The following ENTHD1 variants were observed in gnomAD, a reference collection of about 807,000 sequenced individuals.
The protein encoded by ENTHD1 is ENTH domain containing 1, also known as ENTH domain-containing protein 1.
In ENTHD1, 23 loss-of-function variants were observed where a neutral mutation model predicts 39.1. The observed-to-expected ratio is 0.59, with a 90% CI of 0.42 to 0.83. The LOEUF (loss-of-function observed/expected upper bound fraction) is 0.83, where lower values mean the gene tolerates loss of function less well. ENTHD1 is among the 40% of genes least tolerant of loss of function. The probability of loss-of-function intolerance (pLI) is 0.00; values close to 1 mark genes in which losing one functional copy is unlikely to be tolerated. For missense variants in ENTHD1, 624 were observed against 705.4 expected (o/e 0.88, Z 1.31); for synonymous variants, 230 against 258.2 (o/e 0.89, Z 1.05).
At chr22:39,882,542 G>A (rs1299540427) in intron 2 of ENTHD1, among the ~76,000 whole-genome samples, 1 of 152,120 alleles carries the variant, frequency 6.6e-6, no homozygotes, top group Admixed American at 6.5e-5. Context: ...ACATGTTAAG[G>A]GGCCTGACTT....
rs370838539 is a variant in ENTHD1 at position 39,837,582 on chromosome 22, TG to T, written c.593-1625del. On this transcript the variant is annotated intron_variant, in intron 3 of 6. Transcript: ENST00000325157. Reference sequence around the variant, plus strand: ...CTGTCTGTCCAGACATTTCTTTTAATGGGAAAGCATGGCATAAATAACAAGG... The same window carrying T: ...CTGTCTGTCCAGACATTTCTTTTAATGGAAAGCATGGCATAAATAACAAGG... 4.1e-3 allele frequency among the ~76,000 whole-genome samples: 626 copies of T among 152,328 alleles called. 11 individuals are homozygous for T. The highest frequency in any genetic ancestry group is 0.014 in the African/African-American group (594 of 41,574).
intron 2 of ENTHD1, among the ~76,000 whole-genome samples, chr22:39,886,920 G>A (rs1362408225): frequency 6.6e-6 from 1 of 152,052 alleles, no homozygotes; most frequent in Admixed American, 6.5e-5. Context: ...AAATTACAGT[G>A]ACATTATTAC....
chr22:39,829,522 C>T (rs1434016151), intron 4 of ENTHD1, among the ~76,000 whole-genome samples: 1 of 152,100 alleles, frequency 6.6e-6, no homozygotes, highest in Non-Finnish European at 1.5e-5. Flanking sequence ...CGGTAGCTCA[C>T]GCCTGTTATC....
At chr22:39,752,220 T>G (rs1462417464) in intron 6 of ENTHD1, among the ~76,000 whole-genome samples, 1 of 152,164 alleles carries the variant, frequency 6.6e-6, no homozygotes, top group Non-Finnish European at 1.5e-5. Context: ...ACAATGGAAT[T>G]AGCCATAAAA....
intron 2 of ENTHD1, among the ~76,000 whole-genome samples, chr22:39,877,021 G>A (rs886479926): frequency 1.3e-5 from 2 of 152,182 alleles, no homozygotes; most frequent in African/African-American, 2.4e-5. Flanking sequence ...GACATTGTAG[G>A]CATAAAAGAG....
chr22:39,801,380 A>G (rs2065597166), intron 5 of ENTHD1, among the ~76,000 whole-genome samples: 1 of 151,990 alleles, frequency 6.6e-6, no homozygotes, highest in African/African-American at 2.4e-5. Context: ...ATGTGGATCC[A>G]ACAATACAAA....
At chr22:39,780,110 A>G (rs2065396378) in intron 5 of ENTHD1, among the ~76,000 whole-genome samples, 1 of 152,222 alleles carries the variant, frequency 6.6e-6, no homozygotes, top group Non-Finnish European at 1.5e-5. Flanking sequence ...GTGGTGGCTC[A>G]TGCCTGTAAC....
At chr22:39,891,133 G>A (rs1380124002) in intron 1 of ENTHD1, among the ~76,000 whole-genome samples, 4 of 152,210 alleles carry the variant, frequency 2.6e-5, no homozygotes, top group Admixed American at 6.5e-5. Flanking sequence ...TAGAAATAGA[G>A]GGAAGAAGTT....
chr22:39,792,922 G>T lies in ENTHD1; in HGVS notation c.833-27313C>A, dbSNP rs1355918246. On this transcript the variant is annotated intron_variant, in intron 5 of 6. Coordinates refer to ENST00000325157, the MANE Select transcript of ENTHD1 (RefSeq NM_152512.4). ...GGTGCAGGTATCATTTTGATATAAT[G>T]ATTTTCTTGCTTTTGGATAAATACC... Among the ~76,000 whole-genome samples the T allele has an allele frequency of 9.9e-5, 15 of 152,198 alleles. No individual in the cohort carries two copies. The South Asian group carries it at 3.1e-3, about 32-fold the overall frequency.
At chr22:39,858,619 CTTGAAAG>C (rs1446521869) in intron 3 of ENTHD1, among the ~76,000 whole-genome samples, 1 of 152,178 alleles carries the variant, frequency 6.6e-6, no homozygotes, top group East Asian at 1.9e-4. Context: ...AGTAATAAGA[CTTGAAAG>C]TTGAAATCAC....
chr22:39,843,793 AG>A (rs2065965222), intron 3 of ENTHD1, among the ~76,000 whole-genome samples: 1 of 152,072 alleles, frequency 6.6e-6, no homozygotes, highest in Non-Finnish European at 1.5e-5. Context: ...TTCCTTAGCT[AG>A]GGGGCATGAC....
At chr22:39,749,104 G>A (rs888871418) in intron 6 of ENTHD1, among the ~76,000 whole-genome samples, 7 of 152,142 alleles carry the variant, frequency 4.6e-5, no homozygotes, top group African/African-American at 1.7e-4. Context: ...CTTATAAAAA[G>A]CCACTTCATC....
chr22:39,770,721 A>T (rs1191148691), intron 5 of ENTHD1, among the ~76,000 whole-genome samples: 1 of 152,222 alleles, frequency 6.6e-6, no homozygotes, highest in Non-Finnish European at 1.5e-5. Flanking sequence ...TTGCTCAGCA[A>T]CAATTTGAAC....
intron 4 of ENTHD1, among the ~76,000 whole-genome samples, chr22:39,823,191 C>A (rs1471512418): frequency 2.0e-5 from 3 of 152,134 alleles, no homozygotes; most frequent in Non-Finnish European, 4.4e-5. Flanking sequence ...CAAATTATTT[C>A]ATTTCAAGTT....
chr22:39,757,283 T>G (rs1262574406), intron 6 of ENTHD1, among the ~76,000 whole-genome samples: 1 of 152,126 alleles, frequency 6.6e-6, no homozygotes, highest in African/African-American at 2.4e-5. Flanking sequence ...TGTTGTTTGT[T>G]TTTTGAGATA....
At chr22:39,819,381 C>CAAAAA (rs994909281) in intron 5 of ENTHD1, among the ~76,000 whole-genome samples, 1 of 103,346 alleles carries the variant, frequency 9.7e-6, no homozygotes, top group Non-Finnish European at 2.1e-5. Flanking sequence ...AAAACAAAAA[C>CAAAAA]AAAAAAAGAA....
intron 4 of ENTHD1, among the ~76,000 whole-genome samples, chr22:39,828,365 CAAT>C (rs1017301361): frequency 3.9e-5 from 6 of 152,034 alleles, no homozygotes; most frequent in East Asian, 1.9e-4. Context: ...AAGCATAAAA[CAAT>C]GATGTAGCAA....
chr22:39,875,709 T>C (rs1182492114), intron 2 of ENTHD1: 3 of 1,612,422 alleles, frequency 1.9e-6, no homozygotes, highest in Non-Finnish European at 2.5e-6. Flanking sequence ...GTTTCCAGCA[T>C]GAGTGCTTCT....
chr22:39,849,461 T>C (rs1012420859), intron 3 of ENTHD1, among the ~76,000 whole-genome samples: 1 of 152,188 alleles, frequency 6.6e-6, no homozygotes, highest in Non-Finnish European at 1.5e-5. Flanking sequence ...ATATCAATAG[T>C]ACCAAGGCTG....
Sources: gnomAD v4.1 joint callset for allele counts (sites outside exome capture counted in the v4.1 genomes callset) on GRCh38, gnomAD v4.1.1 for gene constraint, MANE v1.5 for transcripts, NCBI Gene and HGNC (gene_info 2026-07-23, HGNC 2026-07-21) for gene names.